Variants in IGFBP7 observed in about 807,000 individuals in gnomAD.
IGFBP7 encodes the protein insulin like growth factor binding protein 7.
IGFBP7 carries 31 observed loss-of-function variants against 29.4 expected under a neutral mutation model. That is an observed-to-expected ratio of 1.05 (90% CI 0.79 to 1.42). The LOEUF (loss-of-function observed/expected upper bound fraction) is 1.42. IGFBP7 is among the 40% of genes most tolerant of loss of function. The pLI is 0.00. For missense variants in IGFBP7, 393 were observed against 395.5 expected, an observed-to-expected ratio of 0.99 and a Z score of 0.05; for synonymous variants, 172 against 174.9, an observed-to-expected ratio of 0.98 and a Z score of 0.13.
At chr4:57,084,657 C>A (rs1454086408) in intron 1 of IGFBP7, among the ~76,000 whole-genome samples, 1 of 152,220 alleles carries the variant, frequency 6.6e-6, no homozygotes, top group African/African-American at 2.4e-5. Context: ...TGCAAGGAAA[C>A]CTGAATTGCC....
chr4:57,069,703 G>A (rs1464073461), intron 1 of IGFBP7, among the ~76,000 whole-genome samples: 3 of 151,944 alleles, frequency 2.0e-5, no homozygotes, highest in African/African-American at 7.2e-5. Flanking sequence ...AATAAGCAGA[G>A]AGAAGGTGGG....
chr4:57,042,443 G>A (rs1474835676), intron 1 of IGFBP7, among the ~76,000 whole-genome samples: 4 of 152,156 alleles, frequency 2.6e-5, no homozygotes, highest in Non-Finnish European at 4.4e-5. Context: ...TCCGCCTCCC[G>A]GGTTCAAGCT....
intron 1 of IGFBP7, among the ~76,000 whole-genome samples, chr4:57,081,399 T>G (rs1211919982): frequency 2.6e-5 from 4 of 152,092 alleles, no homozygotes; most frequent in African/African-American, 9.7e-5. Context: ...CCCCTCCCAC[T>G]CACACCATAG....
intron 1 of IGFBP7, among the ~76,000 whole-genome samples, chr4:57,100,216 C>T (rs1725864321): frequency 6.6e-6 from 1 of 151,864 alleles, no homozygotes; most frequent in South Asian, 2.1e-4. Flanking sequence ...ACTACAGGTG[C>T]TTCCCACTGT....
At chr4:57,075,005 C>T (rs1451592769) in intron 1 of IGFBP7, among the ~76,000 whole-genome samples, 1 of 152,200 alleles carries the variant, frequency 6.6e-6, no homozygotes, top group Non-Finnish European at 1.5e-5. Context: ...GTCAAAGCCT[C>T]GTGCTTTGCT....
At chr4:57,047,782 T>G (rs1238407587) in intron 1 of IGFBP7, among the ~76,000 whole-genome samples, 1 of 152,220 alleles carries the variant, frequency 6.6e-6, no homozygotes, top group Non-Finnish European at 1.5e-5. Context: ...TCACTCAGGC[T>G]GGAGCACAGT....
At chr4:57,051,096 A>G (rs910850100) in intron 1 of IGFBP7, among the ~76,000 whole-genome samples, 1 of 152,228 alleles carries the variant, frequency 6.6e-6, no homozygotes, top group Admixed American at 6.5e-5. Context: ...AGATTCTGAT[A>G]ACACATTAAA....
Position 57,075,332 on chromosome 4 carries a change from A to G in IGFBP7, c.476-34399T>C, listed in dbSNP as rs529112883. 2.0e-3 allele frequency among the ~76,000 whole-genome samples: 310 copies of G among 152,302 alleles called. 1 individual carries two copies. Among genetic ancestry groups the G allele is most frequent in the African/African-American group, 7.1e-3 (295 of 41,556 alleles). ...AGATCCCATAGAATAATATTAACTG[A>G]AGTGCATTTCTTTTAAAATAATGTT... On this transcript the variant is annotated intron_variant, in intron 1 of 4. Coordinates refer to ENST00000295666, the MANE Select transcript of IGFBP7 (RefSeq NM_001553.3).
At chr4:57,102,718 T>G (rs759809717) in intron 1 of IGFBP7, among the ~76,000 whole-genome samples, 1 of 152,232 alleles carries the variant, frequency 6.6e-6, no homozygotes, top group Non-Finnish European at 1.5e-5. Context: ...ACTTTGTCCT[T>G]CAGTTTTTCA....
chr4:57,040,960 T>G (rs1188878802), intron 1 of IGFBP7, 27 bp from the exon 2 acceptor site: 4 of 1,472,514 alleles, frequency 2.7e-6, no homozygotes, highest in Admixed American at 3.4e-5. Context: ...AAAGCCAAAG[T>G]CATCTTTTAA....
rs10716496 is a variant in IGFBP7 at position 57,039,643 on chromosome 4, C to CTTT, written c.585+1178_585+1180dup. Reference sequence around the variant, plus strand: ...CCACCCTGGCTAAGGAATTCACACTCTTTTTTTTTTTTTTTTTTTTGAGAC... The same window carrying CTTT: ...CCACCCTGGCTAAGGAATTCACACTCTTTTTTTTTTTTTTTTTTTTTTTGAGAC... On this transcript the variant is annotated intron_variant, in intron 2 of 4. Coordinates refer to ENST00000295666, the MANE Select transcript of IGFBP7 (RefSeq NM_001553.3). Among the ~76,000 whole-genome samples, 240 of 128,650 alleles carry CTTT rather than the reference C, an allele frequency of 1.9e-3. 4 individuals carry two copies. The highest frequency in any genetic ancestry group is 4.5e-3 in the Admixed American group (55 of 12,338). The allele number at this position is 128,650 out of a possible 152,430, so 84.4% of individuals were successfully genotyped here.
At chr4:57,054,637 CACAAAAAAAAAAAA>C (rs1724600780) in intron 1 of IGFBP7, among the ~76,000 whole-genome samples, 7 of 125,876 alleles carry the variant, frequency 5.6e-5, no homozygotes, top group Non-Finnish European at 1.2e-4. Flanking sequence ...GGCTCTCTCT[CACAAAAAAAAAAAA>C]AAAAAAAAAA....
At chr4:57,099,073 G>A (rs1360263575) in intron 1 of IGFBP7, among the ~76,000 whole-genome samples, 1 of 152,170 alleles carries the variant, frequency 6.6e-6, no homozygotes, top group Non-Finnish European at 1.5e-5. Context: ...CAGATCTAAA[G>A]CTTTCCCAAT....
chr4:57,073,234 GTAT>G (rs58332055), intron 1 of IGFBP7: 167 of 526,906 alleles, frequency 3.2e-4, no homozygotes, highest in Middle Eastern at 5.3e-4. Flanking sequence ...TTGAGCTGTG[GTAT>G]TATTATTATT....
chr4:57,097,498 G>T (rs1192964107), intron 1 of IGFBP7, among the ~76,000 whole-genome samples: 4 of 152,204 alleles, frequency 2.6e-5, no homozygotes, highest in African/African-American at 9.6e-5. Flanking sequence ...AGGCAGTATT[G>T]TGTTTGGACT....
chr4:57,092,543 C>T (rs865785196), intron 1 of IGFBP7, among the ~76,000 whole-genome samples: 45 of 152,140 alleles, frequency 3.0e-4, no homozygotes, highest in African/African-American at 1.0e-3. Context: ...TGATAATTAA[C>T]AAGTAATTTC....
At chr4:57,095,179 G>A (rs1725732125) in intron 1 of IGFBP7, among the ~76,000 whole-genome samples, 1 of 152,186 alleles carries the variant, frequency 6.6e-6, no homozygotes, top group African/African-American at 2.4e-5. Context: ...TGCAGTGCTT[G>A]CTGTTGGCCA....
intron 1 of IGFBP7, among the ~76,000 whole-genome samples, chr4:57,042,936 C>G (rs1193746646): frequency 6.6e-6 from 1 of 152,220 alleles, no homozygotes; most frequent in African/African-American, 2.4e-5. Flanking sequence ...ATCCTTTACA[C>G]ATTTTCCAGA....
chr4:57,088,399 G>A (rs773891357), intron 1 of IGFBP7, among the ~76,000 whole-genome samples: 1 of 152,084 alleles, frequency 6.6e-6, no homozygotes, highest in Non-Finnish European at 1.5e-5. Context: ...TTGAGGTTCC[G>A]ACCAGTTTGG....
Sources: allele counts gnomAD v4.1 joint callset (sites outside exome capture counted in the v4.1 genomes callset), GRCh38; gene constraint gnomAD v4.1.1; transcripts MANE v1.5; gene names NCBI Gene and HGNC (gene_info 2026-07-23, HGNC 2026-07-21).